The following ADGRV1 variants were observed in gnomAD, a reference collection of about 807,000 sequenced individuals.
ADGRV1 encodes the protein adhesion G protein-coupled receptor V1.
In ADGRV1, 359 loss-of-function variants were observed where a neutral mutation model predicts 596.2. The observed-to-expected ratio is 0.60, with a 90% CI of 0.55 to 0.66. ADGRV1 has a LOEUF of 0.66. Ranked by LOEUF, ADGRV1 falls within the 30% of genes least tolerant of loss-of-function variation. The pLI, the probability that ADGRV1 is intolerant of heterozygous loss-of-function variation, is 0.00. For missense variants in ADGRV1, 7,274 were observed against 7,575.6 expected, an observed-to-expected ratio of 0.96 and a Z score of 1.48; for synonymous variants, 2,681 against 2,679.2, an observed-to-expected ratio of 1.00 and a Z score of -0.02.
chr5:90,995,508 A>G (rs1184499563), intron 85 of ADGRV1, among the ~76,000 whole-genome samples: 2 of 152,200 alleles, frequency 1.3e-5, no homozygotes, highest in Non-Finnish European at 2.9e-5. Flanking sequence ...TATTTTCTTC[A>G]TAAATTACCC....
At chr5:90,668,390 C>T (rs1191379999) in intron 21 of ADGRV1, among the ~76,000 whole-genome samples, 1 of 152,174 alleles carries the variant, frequency 6.6e-6, no homozygotes, top group Admixed American at 6.5e-5. Context: ...CCGTCCGTCA[C>T]CCCTTTCTTT....
intron 85 of ADGRV1, among the ~76,000 whole-genome samples, chr5:91,060,396 A>AT (rs1403489090): frequency 0.18 from 4,756 of 26,846 alleles, 108 homozygotes; most frequent in Middle Eastern, 0.29. Flanking sequence ...ATATATATAT[A>AT]TATTTTTTTT....
intron 86 of ADGRV1, among the ~76,000 whole-genome samples, chr5:91,095,860 G>A (rs1200550704): frequency 6.6e-6 from 1 of 151,814 alleles, no homozygotes; most frequent in Non-Finnish European, 1.5e-5. Context: ...TTGGCTCACC[G>A]CAACCTCCAC....
rs900229619 is a variant in ADGRV1, at chr5:90,594,623, A to G, written c.23-20212A>G. 5.5e-5 allele frequency among the ~76,000 whole-genome samples: 8 copies of G among 145,130 alleles called. No homozygotes were observed. The South Asian group carries it at 8.7e-4, about 16-fold the overall frequency. On this transcript the variant is annotated intron_variant, in intron 1 of 89. Transcript: ENST00000405460. ...GGTCTCTGGTTTTCCTAGGCAGAGG[A>G]CCCTGCGGCCTTCCACAGCGTTTGT...
At position 90,627,529 on chromosome 5, in the gene ADGRV1, G is replaced by A; in HGVS notation, c.991G>A (p.Val331Ile). The change falls in exon 7 of 90, where the codon GTT becomes ATT. Residue 331 changes from valine to isoleucine, a missense_variant. Coordinates refer to ENST00000405460, the MANE Select transcript of ADGRV1 (RefSeq NM_032119.4). ...DFIDLQPNTT[V>I]VFPPFIHESH... Reference sequence around the variant, plus strand: ...CATTGATCTTCAGCCAAACACAACTGTTGTTTTTCCACCTTTTATTCATGA... The same window carrying A: ...CATTGATCTTCAGCCAAACACAACTATTGTTTTTCCACCTTTTATTCATGA... 6.2e-7 allele frequency: 1 copy of A among 1,613,868 alleles called. No individual in the cohort carries two copies. The highest frequency in any genetic ancestry group is 1.1e-5 in the South Asian group (1 of 91,060).
chr5:91,138,772 C>CTTT (rs34573065), intron 87 of ADGRV1, among the ~76,000 whole-genome samples: 1 of 138,236 alleles, frequency 7.2e-6, no homozygotes, highest in Admixed American at 7.3e-5. Flanking sequence ...TATTGGTAAA[C>CTTT]TTTTTTTTTT....
Position 90,725,663 on chromosome 5 carries a change from T to G in ADGRV1, c.10161+7T>G, listed in dbSNP as rs1201816549. ...TGATTCCGAATTAACTCAGGTTTGATTCTTTTAAAATGAAGTGGGTTTTTT... is the reference window on the plus strand; with the variant it reads ...TGATTCCGAATTAACTCAGGTTTGAGTCTTTTAAAATGAAGTGGGTTTTTT... On this transcript the variant is annotated splice_region_variant and intron_variant, in intron 48 of 89. Coordinates refer to ENST00000405460, the MANE Select transcript of ADGRV1 (RefSeq NM_032119.4). 2.1e-6 allele frequency: 3 copies of G among 1,400,304 alleles called. No homozygotes were observed. The highest frequency in any genetic ancestry group is 3.0e-6 in the Non-Finnish European group (3 of 999,026). 86.7% of individuals were successfully genotyped at this position (1,400,304 alleles called of 1,614,324 possible).
intron 50 of ADGRV1, among the ~76,000 whole-genome samples, chr5:90,743,988 T>C: frequency 2.1e-5 from 1 of 46,900 alleles, no homozygotes; most frequent in East Asian, 5.6e-4. Flanking sequence ...CCCTATTAAC[T>C]GATATATATA....
chr5:90,865,591 T>G (rs1768016853), intron 83 of ADGRV1, among the ~76,000 whole-genome samples: 1 of 152,122 alleles, frequency 6.6e-6, no homozygotes, highest in Non-Finnish European at 1.5e-5. Flanking sequence ...GCATGAAAAA[T>G]CATGTAGTGT....
intron 8 of ADGRV1, 142 bp downstream of exon 8, chr5:90,628,974 C>T: frequency 1.3e-6 from 1 of 780,032 alleles, no homozygotes. Flanking sequence ...TTTTCTTACT[C>T]AGTATTCCTT....
intron 20 of ADGRV1, among the ~76,000 whole-genome samples, chr5:90,656,204 C>T (rs1769387237): frequency 6.6e-6 from 1 of 152,150 alleles, no homozygotes; most frequent in African/African-American, 2.4e-5. Flanking sequence ...TTAGAATCCT[C>T]AAATATGTAT....
At chr5:90,623,647 A>C (rs1764372953) in intron 5 of ADGRV1, among the ~76,000 whole-genome samples, 1 of 152,150 alleles carries the variant, frequency 6.6e-6, no homozygotes, top group Non-Finnish European at 1.5e-5. Flanking sequence ...TCCTGAGCAC[A>C]AATGATCCTC....
chr5:90,621,576 C>T (rs1764074618), intron 4 of ADGRV1, among the ~76,000 whole-genome samples: 1 of 152,170 alleles, frequency 6.6e-6, no homozygotes. Context: ...CTGTGTATCA[C>T]CTCCGACCTC....
intron 21 of ADGRV1, among the ~76,000 whole-genome samples, chr5:90,663,122 T>G (rs1386481608): frequency 2.0e-5 from 3 of 150,472 alleles, no homozygotes; most frequent in Non-Finnish European, 2.9e-5. Flanking sequence ...TTTGGGTATA[T>G]ACCCAGTAAT....
At chr5:90,883,754 C>T (rs754674446) in intron 83 of ADGRV1, among the ~76,000 whole-genome samples, 1 of 152,148 alleles carries the variant, frequency 6.6e-6, no homozygotes, top group Non-Finnish European at 1.5e-5. Context: ...TGTCCATGTG[C>T]ATATCATCCT....
At chr5:90,606,020 T>G (rs1762073935) in intron 1 of ADGRV1, among the ~76,000 whole-genome samples, 1 of 152,262 alleles carries the variant, frequency 6.6e-6, no homozygotes, top group Non-Finnish European at 1.5e-5. Context: ...AGATCTTTTA[T>G]CAATGGTAAA....
intron 43 of ADGRV1, chr5:90,717,422 G>A (rs1750266245): frequency 1.5e-5 from 2 of 137,554 alleles, no homozygotes; most frequent in Non-Finnish European, 3.0e-5. Flanking sequence ...AGATTATGTT[G>A]CAAATGTGAT....
At chr5:90,915,119 T>C (rs1449668851) in intron 83 of ADGRV1, among the ~76,000 whole-genome samples, 3 of 152,196 alleles carry the variant, frequency 2.0e-5, no homozygotes, top group Non-Finnish European at 2.9e-5. Context: ...TTAAAAAATG[T>C]TCAGTATTAT....
At chr5:91,074,365 C>T (rs1393436552) in intron 86 of ADGRV1, among the ~76,000 whole-genome samples, 6 of 152,128 alleles carry the variant, frequency 3.9e-5, no homozygotes, top group Admixed American at 3.9e-4. Context: ...GTCTCTTATT[C>T]CCGTCTTTGT....
Sources: gnomAD v4.1 joint callset for allele counts (sites outside exome capture counted in the v4.1 genomes callset) on GRCh38, gnomAD v4.1.1 for gene constraint, MANE v1.5 for transcripts, NCBI Gene and HGNC (gene_info 2026-07-23, HGNC 2026-07-21) for gene names.